DYM: variants seen among roughly 807,000 people sequenced by gnomAD.
The protein encoded by DYM is dymeclin.
Under a neutral mutation model 93.1 loss-of-function variants are expected in DYM, and 78 were observed. The ratio of observed to expected loss-of-function variants is 0.84; its 90% CI spans 0.70 to 1.01. The LOEUF (loss-of-function observed/expected upper bound fraction) is 1.01, where lower values mean the gene tolerates loss of function less well. Among genes scored for constraint, DYM ranks in the 50% least tolerant of loss-of-function variants. The pLI, the probability that DYM is intolerant of heterozygous loss-of-function variation, is 0.00. For synonymous variants in DYM, 321 were observed against 319.7 expected (o/e 1.00, Z -0.04); for missense variants, 789 against 845.0 (o/e 0.93, Z 0.82).
chr18:49,165,181 G>A (rs1254994113), intron 14 of DYM, among the ~76,000 whole-genome samples: 5 of 152,136 alleles, frequency 3.3e-5, no homozygotes, highest in Non-Finnish European at 1.5e-5. Flanking sequence ...TAGAGATAAA[G>A]AGGGAGATTT....
chr18:49,330,584 T>C (rs1669438224), intron 8 of DYM, among the ~76,000 whole-genome samples: 1 of 152,182 alleles, frequency 6.6e-6, no homozygotes, highest in Non-Finnish European at 1.5e-5. Context: ...AACTGCCAAG[T>C]ATTGCCATTG....
chr18:49,139,113 G>A (rs2084176984), intron 15 of DYM, among the ~76,000 whole-genome samples: 1 of 152,104 alleles, frequency 6.6e-6, no homozygotes, highest in African/African-American at 2.4e-5. Context: ...TATTGTACAT[G>A]AGGAATAGCT....
chr18:49,389,077 T>G (rs1270969867), intron 3 of DYM, among the ~76,000 whole-genome samples: 1 of 152,184 alleles, frequency 6.6e-6, no homozygotes, highest in Non-Finnish European at 1.5e-5. Context: ...TGTTGCTGCG[T>G]GTAAACAAAA....
chr18:49,319,540 G>A (rs148769502), intron 8 of DYM, among the ~76,000 whole-genome samples: 1 of 152,196 alleles, frequency 6.6e-6, no homozygotes, highest in Non-Finnish European at 1.5e-5. Flanking sequence ...AAAAAAAGAT[G>A]AAGTAGGTGA....
intron 15 of DYM, among the ~76,000 whole-genome samples, chr18:49,154,291 G>GT (rs2086138240): frequency 1.3e-5 from 2 of 152,216 alleles, no homozygotes; most frequent in Admixed American, 6.5e-5. Flanking sequence ...TGTTATTAAA[G>GT]TTAACAGTAA....
chr18:49,340,723 CAT>C (rs749121745), intron 6 of DYM, among the ~76,000 whole-genome samples: 1 of 152,152 alleles, frequency 6.6e-6, no homozygotes, highest in Non-Finnish European at 1.5e-5. Context: ...AAACAAAAGA[CAT>C]GTGCAATAAA....
chr18:49,409,935 G>T (rs77451458), intron 2 of DYM, among the ~76,000 whole-genome samples: 1 of 152,056 alleles, frequency 6.6e-6, no homozygotes, highest in Non-Finnish European at 1.5e-5. Context: ...GAGCCTATAC[G>T]TAGTACCTAA....
intron 17 of DYM, among the ~76,000 whole-genome samples, chr18:49,066,411 T>C (rs1165154647): frequency 1.3e-5 from 2 of 152,266 alleles, no homozygotes; most frequent in South Asian, 2.1e-4. Context: ...CTTACCATTA[T>C]GCATGTGAGA....
At chr18:49,323,113 T>C (rs943950458) in intron 8 of DYM, among the ~76,000 whole-genome samples, 3 of 152,212 alleles carry the variant, frequency 2.0e-5, no homozygotes, top group Admixed American at 6.5e-5. Flanking sequence ...AATAACGTGT[T>C]TCAATCACAG....
Position 49,160,988 on chromosome 18 carries a change from T to G in DYM, c.1728+2697A>C, listed in dbSNP as rs564084856. ...CTCCTACTGAATCAGTGCTAACCAT[T>G]CTCTTCAATTAAATCTGAGAAAAGG... On this transcript the variant is annotated intron_variant, in intron 15 of 17. Transcript: ENST00000675505. Among the ~76,000 whole-genome samples the G allele has an allele frequency of 1.4e-4, 22 of 152,096 alleles. 1 individual carries two copies. The East Asian group carries it at 1.9e-3, about 13-fold the overall frequency.
intron 2 of DYM, among the ~76,000 whole-genome samples, chr18:49,412,367 T>A (rs1256031951): frequency 6.6e-6 from 1 of 152,186 alleles, no homozygotes; most frequent in Non-Finnish European, 1.5e-5. Context: ...TTTAAGCTTT[T>A]AGTTTAAGGG....
rs61301668 is a variant in DYM, at chr18:49,097,874, G to GCTCTCTCTCTCT, written c.1912-371_1912-360dup. ...CTATCACTTTTGAAGCTTAATATTAGCTCTCTCTCTCTCTCTCTCTCTCTC... is the reference window on the plus strand; with the variant it reads ...CTATCACTTTTGAAGCTTAATATTAGCTCTCTCTCTCTCTCTCTCTCTCTCTCTCTCTCTCTC... On this transcript the variant is annotated intron_variant, in intron 16 of 17. Coordinates refer to ENST00000675505, the MANE Select transcript of DYM (RefSeq NM_001353214.3). Among the ~76,000 whole-genome samples, 139 of 141,286 alleles carry GCTCTCTCTCTCT rather than the reference G, an allele frequency of 9.8e-4. 1 individual carries two copies. The highest frequency in any genetic ancestry group is 1.6e-3 in the African/African-American group (63 of 38,368). The allele number at this position is 141,286 out of a possible 152,430, so 92.7% of individuals were successfully genotyped here. A position where few individuals can be genotyped will look rare whatever the true frequency, so the allele number is the denominator to read the frequency against.
chr18:49,384,706 T>A (rs1485505831), intron 3 of DYM, among the ~76,000 whole-genome samples: 1 of 146,636 alleles, frequency 6.8e-6, no homozygotes, highest in East Asian at 2.2e-4. Context: ...AAACTAAAAA[T>A]GCAATAACAG....
intron 17 of DYM, among the ~76,000 whole-genome samples, chr18:49,085,857 G>A (rs971574724): frequency 2.0e-5 from 3 of 152,044 alleles, no homozygotes; most frequent in Admixed American, 1.3e-4. Flanking sequence ...CACCCGCCTT[G>A]GCCTCCCAAA....
In DYM at chr18:49,440,361, A is replaced by ATATAATATAGCATATTATATATGC. The variant is rs1568449052; in HGVS notation, c.-53-9915_-53-9914insGCATATATAATATGCTATATTATA. 3.0e-5 allele frequency among the ~76,000 whole-genome samples: 4 copies of ATATAATATAGCATATTATATATGC among 131,332 alleles called. 1 individual carries two copies. Among genetic ancestry groups the ATATAATATAGCATATTATATATGC allele is most frequent in the Admixed American group, 8.7e-5 (1 of 11,456 alleles). 86.2% of individuals were successfully genotyped at this position (131,332 alleles called of 152,430 possible). A position where few individuals can be genotyped will look rare whatever the true frequency, so the allele number is the denominator to read the frequency against. Reference sequence around the variant, plus strand: ...TATATGATATATAATATAGTATATGATATATAATATAGCATATTATATATG... The same window carrying ATATAATATAGCATATTATATATGC: ...TATATGATATATAATATAGTATATGATATAATATAGCATATTATATATGCTATATAATATAGCATATTATATATG... On this transcript the variant is annotated intron_variant, in intron 1 of 17. Transcript: ENST00000675505.
At chr18:49,305,555 T>C (rs1450602170) in intron 8 of DYM, among the ~76,000 whole-genome samples, 1 of 152,220 alleles carries the variant, frequency 6.6e-6, no homozygotes, top group Non-Finnish European at 1.5e-5. Flanking sequence ...TGTATCAACA[T>C]GTACATTCTG....
intron 13 of DYM, among the ~76,000 whole-genome samples, chr18:49,246,362 T>C (rs1205233268): frequency 2.0e-5 from 3 of 152,246 alleles, no homozygotes; most frequent in Admixed American, 1.3e-4. Context: ...GAAAAGGTAC[T>C]TTTTAAAAGT....
At chr18:49,168,971 A>G (rs889906348) in intron 14 of DYM, among the ~76,000 whole-genome samples, 7 of 152,300 alleles carry the variant, frequency 4.6e-5, no homozygotes, top group African/African-American at 1.7e-4. Context: ...CAGGGGTGAG[A>G]AGTGGCAAGA....
At chr18:49,445,057 CA>C (rs1246439546) in intron 1 of DYM, among the ~76,000 whole-genome samples, 1 of 152,110 alleles carries the variant, frequency 6.6e-6, no homozygotes, top group Non-Finnish European at 1.5e-5. Flanking sequence ...ACCTTTATTG[CA>C]AAAATTGTTC....
Sources: allele counts gnomAD v4.1 joint callset (sites outside exome capture counted in the v4.1 genomes callset), GRCh38; gene constraint gnomAD v4.1.1; transcripts MANE v1.5; gene names NCBI Gene and HGNC (gene_info 2026-07-23, HGNC 2026-07-21).